GNL3L: variants seen among roughly 807,000 people sequenced by gnomAD.
The protein encoded by GNL3L is guanine nucleotide-binding protein-like 3-like protein.
A neutral mutation model predicts 42.9 loss-of-function variants in GNL3L; 4 were observed. The observed-to-expected ratio is 0.09, with a 90% CI of 0.05 to 0.21. GNL3L has a LOEUF of 0.21. Ranked by LOEUF, GNL3L falls within the 10% of genes least tolerant of loss-of-function variation. The pLI, the probability that GNL3L is intolerant of heterozygous loss-of-function variation, is 1.00. For synonymous variants in GNL3L, 159 were observed against 176.3 expected (o/e 0.90, Z 0.78); for missense variants, 412 against 481.7 (o/e 0.86, Z 1.36).
chrX:54,543,603 T>G (rs1159236760), intron 7 of GNL3L, among the ~76,000 whole-genome samples: 1 of 111,246 alleles, frequency 9.0e-6, no homozygotes, highest in Non-Finnish European at 1.9e-5. Flanking sequence ...GGAGAGTTCC[T>G]CCTCCCTCAA....
chrX:54,645,323 G>A, the GNL3L span, among the ~76,000 whole-genome samples: 27 of 111,717 alleles, frequency 2.4e-4, no homozygotes, highest in African/African-American at 8.1e-4. Context: ...TATTCAGCAT[G>A]ATACTGGTTT....
chrX:54,644,679 A>G, the GNL3L span, among the ~76,000 whole-genome samples: 1 of 112,147 alleles, frequency 8.9e-6, no homozygotes, highest in African/African-American at 3.2e-5. Context: ...CAAAATATAT[A>G]TCTTCATATC....
intron 16 of GNL3L, among the ~76,000 whole-genome samples, chrX:54,592,456 T>C (rs1925883098): frequency 8.9e-6 from 1 of 112,063 alleles, no homozygotes; most frequent in Admixed American, 9.5e-5. Context: ...CTTTTGTATA[T>C]GGCTTTTATT....
Position 54,560,558 on chromosome X carries a change from G to A in GNL3L, c.1705G>A (p.Ala569Thr). ...CAAGCTGTCTGATTCCATGATGTCT[G>A]CTCTCGACCTCTCTGGCAATGCTGA... ...ASKLSDSMMS[A>T]LDLSGNADDG... Residue 569 changes from alanine to threonine, a missense_variant, in exon 16 of 16, where the codon GCT becomes ACT. Coordinates refer to ENST00000360845, the MANE Select transcript of GNL3L (RefSeq NM_001184819.2). 1 of 1,177,020 alleles carries A rather than the reference G, an allele frequency of 8.5e-7. No individual in the cohort carries two copies. Among genetic ancestry groups the A allele is most frequent in the Non-Finnish European group, 1.2e-6 (1 of 863,975 alleles).
rs1045108371 is a variant in GNL3L, at chrX:54,562,044, C to A, written c.*1442C>A. 1.8e-5 allele frequency among the ~76,000 whole-genome samples: 2 copies of A among 112,051 alleles called. No individual in the cohort carries two copies. The highest frequency in any genetic ancestry group is 3.8e-5 in the Non-Finnish European group (2 of 53,155). On this transcript the variant is annotated 3_prime_UTR_variant, in exon 16 of 16. Coordinates refer to ENST00000360845, the MANE Select transcript of GNL3L (RefSeq NM_001184819.2). The stretch of plus-strand genomic sequence containing the variant: ...TACCCCAAACTTCCACACCATCCTT[C>A]GACCCACAGCTGCACCTTTATTTAT...
chrX:54,548,261 T>C lies in GNL3L; in HGVS notation c.663T>C (p.Ser221=), dbSNP rs776686747. ...NRCSVPVDQA[S]ESLLKSKACF... is the part of the protein sequence containing the mutation. ...GCAGTGTGCCAGTAGATCAGGCCTC[T>C]GAGTCACTGCTGAAAAGCAAAGCCT... is the stretch of plus-strand genomic sequence containing the variant. Residue 221 remains serine (S), a synonymous_variant, in exon 9 of 16, where the codon TCT becomes TCC. Coordinates refer to ENST00000360845, the MANE Select transcript of GNL3L (RefSeq NM_001184819.2). 1 of 1,204,677 alleles carries C rather than the reference T, an allele frequency of 8.3e-7. No homozygotes were observed. Among genetic ancestry groups the C allele is most frequent in the Admixed American group, 2.2e-5 (1 of 45,986 alleles).
rs189257978 is a variant in GNL3L at position 54,540,665 on chromosome X, T to C, written c.189+423T>C. ...TTTTGCCACTTTTTCCCCTTTCTTA[T>C]CTTTTTTTTTGAGATGGAATTTCAC... On this transcript the variant is annotated intron_variant, in intron 4 of 15. Coordinates refer to ENST00000360845, the MANE Select transcript of GNL3L (RefSeq NM_001184819.2). Among the ~76,000 whole-genome samples the C allele has an allele frequency of 1.3e-3, 148 of 111,430 alleles. 1 individual carries two copies. Among genetic ancestry groups the C allele is most frequent in the Middle Eastern group, 4.6e-3 (1 of 216 alleles).
intron 9 of GNL3L, among the ~76,000 whole-genome samples, chrX:54,549,500 AC>A (rs752517777): frequency 1.3e-4 from 15 of 112,560 alleles, no homozygotes; most frequent in Non-Finnish European, 2.8e-4. Flanking sequence ...GGAGTTTGAG[AC>A]CAGCATGGCC....
chrX:54,643,361 G>T, the GNL3L span, among the ~76,000 whole-genome samples: 3 of 110,883 alleles, frequency 2.7e-5, no homozygotes, highest in Admixed American at 9.6e-5. Flanking sequence ...TTTGCTTGTG[G>T]TATATGCAAA....
At chrX:54,630,325 T>C in the GNL3L span, among the ~76,000 whole-genome samples, 1 of 111,099 alleles carries the variant, frequency 9.0e-6, no homozygotes, top group African/African-American at 3.3e-5. Context: ...GTTTCTGTAG[T>C]TCCTTGAGGT....
chrX:54,601,192 G>A (rs912752106), intron 16 of GNL3L, among the ~76,000 whole-genome samples: 1 of 109,844 alleles, frequency 9.1e-6, no homozygotes, highest in African/African-American at 3.3e-5. Context: ...TTAGAACTGG[G>A]GGGTGAGTTG....
intron 2 of GNL3L, among the ~76,000 whole-genome samples, chrX:54,534,625 T>G (rs2147469810): frequency 9.0e-6 from 1 of 110,795 alleles, no homozygotes; most frequent in East Asian, 2.8e-4. Context: ...CTCAGAGAGG[T>G]TTTAAAAAAT....
intron 14 of GNL3L, among the ~76,000 whole-genome samples, chrX:54,555,422 A>C (rs1925063194): frequency 9.1e-6 from 1 of 109,811 alleles, no homozygotes; most frequent in African/African-American, 3.3e-5. Context: ...CCCTAAACTA[A>C]GCTTCCAGCC....
intron 16 of GNL3L, among the ~76,000 whole-genome samples, chrX:54,601,542 T>C: frequency 8.9e-6 from 1 of 111,877 alleles, no homozygotes; most frequent in Non-Finnish European, 1.9e-5. Flanking sequence ...GAAAATTGCA[T>C]TTAATTCATC....
At chrX:54,553,912 C>T (rs1449354938) in intron 13 of GNL3L, among the ~76,000 whole-genome samples, 2 of 111,106 alleles carry the variant, frequency 1.8e-5, no homozygotes, top group Non-Finnish European at 3.8e-5. Flanking sequence ...GATGCTTGAC[C>T]CTGGCTGGAT....
In GNL3L at chrX:54,548,215, A is replaced by G. The variant is rs368637768; in HGVS notation, c.631-14A>G. Reference sequence around the variant, plus strand: ...CCTGATGTCTCTTCTGTGATATTCAATTTTTTTTTCCAGAATCGTTGCAGT... The same window carrying G: ...CCTGATGTCTCTTCTGTGATATTCAGTTTTTTTTTCCAGAATCGTTGCAGT... On this transcript the variant is annotated splice_polypyrimidine_tract_variant and intron_variant, in intron 8 of 15. Coordinates refer to ENST00000360845, the MANE Select transcript of GNL3L (RefSeq NM_001184819.2). 8 of 1,172,280 alleles carry G rather than the reference A, an allele frequency of 6.8e-6. No homozygotes were observed. In the African/African-American group the frequency reaches 1.4e-4, roughly 21 times the overall value.
intron 16 of GNL3L, among the ~76,000 whole-genome samples, chrX:54,612,137 AT>A (rs761474041): frequency 8.1e-5 from 9 of 111,512 alleles, no homozygotes; most frequent in African/African-American, 2.6e-4. Flanking sequence ...GGATTGTGAT[AT>A]TTTCCTGTTG....
chrX:54,637,026 A>G, the GNL3L span, among the ~76,000 whole-genome samples: 1 of 111,656 alleles, frequency 9.0e-6, no homozygotes, highest in Non-Finnish European at 1.9e-5. Context: ...CTGCAACCTC[A>G]CTGGCATCTG....
chrX:54,579,596 T>A (rs1480542705), intron 16 of GNL3L, among the ~76,000 whole-genome samples: 1 of 111,624 alleles, frequency 9.0e-6, no homozygotes, highest in African/African-American at 3.3e-5. Flanking sequence ...TCTTGCTATG[T>A]GGCACAGGCT....
Sources: gnomAD v4.1 joint callset for allele counts (sites outside exome capture counted in the v4.1 genomes callset) on GRCh38, gnomAD v4.1.1 for gene constraint, MANE v1.5 for transcripts, NCBI Gene and HGNC (gene_info 2026-07-23, HGNC 2026-07-21) for gene names.